Variants in PHTF1 observed in about 807,000 individuals in gnomAD.
PHTF1 encodes protein PHTF1.
Under a neutral mutation model 102.4 loss-of-function variants are expected in PHTF1, and 88 were observed. The ratio of observed to expected loss-of-function variants is 0.86; its 90% CI spans 0.72 to 1.03. PHTF1 has a LOEUF of 1.03. Ranked by LOEUF, PHTF1 falls within the 50% of genes least tolerant of loss-of-function variation. PHTF1 has a pLI of 0.00. For synonymous variants in PHTF1, 289 were observed against 305.2 expected (o/e 0.95, Z 0.55); for missense variants, 814 against 909.5 (o/e 0.89, Z 1.35).
chr1:113,710,810 A>AT (rs71590573), intron 10 of PHTF1, among the ~76,000 whole-genome samples: 1,724 of 122,658 alleles, frequency 0.014, 23 homozygotes, highest in Admixed American at 0.017. Flanking sequence ...ATATATATAT[A>AT]TTTTTTTTTT....
In PHTF1 at chr1:113,759,240, C is replaced by G. The variant is rs1407610935; in HGVS notation, c.-248G>C. 3.0e-5 allele frequency: 6 copies of G among 199,902 alleles called. No homozygotes were observed. The highest frequency in any genetic ancestry group is 4.5e-5 in the Non-Finnish European group (5 of 111,466). The allele number at this position is 199,902 out of a possible 1,614,324, so 12.4% of individuals were successfully genotyped here. On this transcript the variant is annotated 5_prime_UTR_variant, in exon 1 of 19. Transcript: ENST00000369604. ...GCCCTGAGGGCGGCAAATCGATCGC[C>G]GGTCAGAGGCCGCCTACAGGGTCAC...
rs747510007 is a variant in PHTF1, at chr1:113,697,673, C to CA, written c.*31dup. On this transcript the variant is annotated 3_prime_UTR_variant, in exon 19 of 19. Transcript: ENST00000369604. ...TTCCTTGATAGGTAAGTTTTGATAC[C>CA]AGCCAGGGGAGAGTCCAGGCATTTA... The CA allele has an allele frequency of 2.0e-6, 3 of 1,519,598 alleles. No homozygotes were observed. The highest frequency in any genetic ancestry group is 2.7e-6 in the Non-Finnish European group (3 of 1,106,456). The allele number at this position is 1,519,598 out of a possible 1,614,324, so 94.1% of individuals were successfully genotyped here.
chr1:113,744,785 T>C (rs1656954205), intron 3 of PHTF1, among the ~76,000 whole-genome samples: 1 of 152,028 alleles, frequency 6.6e-6, no homozygotes, highest in Admixed American at 6.5e-5. Flanking sequence ...TCTCTTATAC[T>C]AAAATGCCAA....
At chr1:113,739,564 A>C (rs1366801286) in intron 3 of PHTF1, among the ~76,000 whole-genome samples, 1 of 152,224 alleles carries the variant, frequency 6.6e-6, no homozygotes, top group African/African-American at 2.4e-5. Flanking sequence ...TTGAACATTT[A>C]TCATTTCTTT....
chr1:113,710,543 T>A, intron 10 of PHTF1, 68 bp from the exon 11 acceptor site: 2 of 1,176,188 alleles, frequency 1.7e-6, no homozygotes, highest in Non-Finnish European at 2.5e-6. Context: ...GAAATAAAAT[T>A]AAAACAACTT....
chr1:113,706,257 C>T (rs974841317), intron 12 of PHTF1, 95 bp from the exon 13 acceptor site: 14 of 1,047,776 alleles, frequency 1.3e-5, no homozygotes, highest in Non-Finnish European at 1.8e-5. Flanking sequence ...ATTAAAAACA[C>T]ATTCTAAAAG....
rs368367033 is a variant in PHTF1 at position 113,706,099 on chromosome 1, C to T, written c.1462G>A (p.Ala488Thr). 65 of 1,613,988 alleles carry T rather than the reference C, an allele frequency of 4.0e-5. No homozygotes were observed. In the African/African-American group the frequency reaches 6.8e-4, roughly 17 times the overall value. ...MLGNVVTIGL[A>T]FFPFLHRLFR... ...AGTCGATGTAAGAATGGAAAAAATGCTAATCCAATAGTGACAACATTTCCC... is the reference window on the plus strand; with the variant it reads ...AGTCGATGTAAGAATGGAAAAAATGTTAATCCAATAGTGACAACATTTCCC... The change falls in exon 13 of 19, where the codon GCA becomes ACA. Residue 488 changes from alanine (A) to threonine (T), a missense_variant. Coordinates refer to ENST00000369604, the MANE Select transcript of PHTF1 (RefSeq NM_001323043.2).
intron 7 of PHTF1, among the ~76,000 whole-genome samples, chr1:113,717,603 C>T (rs1652258681): frequency 1.3e-5 from 2 of 152,026 alleles, no homozygotes; most frequent in African/African-American, 2.4e-5. Context: ...TGAAAACATA[C>T]CCGAGATTGG....
chr1:113,741,498 G>A (rs2101623436), intron 3 of PHTF1, among the ~76,000 whole-genome samples: 1 of 152,284 alleles, frequency 6.6e-6, no homozygotes, highest in Admixed American at 6.5e-5. Context: ...TTGTCCCAGT[G>A]CTAAGCTTTC....
chr1:113,697,352 G>A lies in PHTF1; in HGVS notation c.*353C>T, dbSNP rs769107011. The A allele has an allele frequency of 5.3e-6, 1 of 187,710 alleles. No homozygotes were observed. The highest frequency in any genetic ancestry group is 1.1e-5 in the Non-Finnish European group (1 of 91,272). 11.6% of individuals were successfully genotyped at this position (187,710 alleles called of 1,614,324 possible). A position where few individuals can be genotyped will look rare whatever the true frequency, so the allele number is the denominator to read the frequency against. ...TTCCAATAAAAGATATTTGCTTCAT[G>A]CTTTGGGCATCTATCATAGTTGCCC... On this transcript the variant is annotated 3_prime_UTR_variant, in exon 19 of 19. Transcript: ENST00000369604.
chr1:113,704,204 C>T, intron 14 of PHTF1, 37 bp from the exon 15 acceptor site: 1 of 1,348,696 alleles, frequency 7.4e-7, no homozygotes, highest in Non-Finnish European at 1.1e-6. Flanking sequence ...GTTTTAGTTA[C>T]TGGCAGACAG....
At chr1:113,728,405 T>C (rs1654160561) in intron 5 of PHTF1, among the ~76,000 whole-genome samples, 1 of 152,162 alleles carries the variant, frequency 6.6e-6, no homozygotes, top group Non-Finnish European at 1.5e-5. Flanking sequence ...TGAGATATCA[T>C]CTCACTCCCG....
intron 3 of PHTF1, among the ~76,000 whole-genome samples, chr1:113,756,717 T>G (rs1221430742): frequency 1.3e-5 from 2 of 152,184 alleles, no homozygotes; most frequent in Non-Finnish European, 2.9e-5. Flanking sequence ...CTTTGGAATA[T>G]CAGAAGATAA....
At chr1:113,739,362 G>A (rs1035961790) in intron 3 of PHTF1, among the ~76,000 whole-genome samples, 3 of 152,068 alleles carry the variant, frequency 2.0e-5, no homozygotes, top group Non-Finnish European at 4.4e-5. Flanking sequence ...AGATCAATAC[G>A]TGAAAAACAA....
chr1:113,703,904 C>A (rs1649722165), intron 15 of PHTF1, 177 bp downstream of exon 15: 1 of 541,940 alleles, frequency 1.8e-6, no homozygotes, highest in East Asian at 2.9e-5. Flanking sequence ...GAAAGGACTT[C>A]AGAATTACTT....
chr1:113,740,731 A>G (rs1239402671), intron 3 of PHTF1, among the ~76,000 whole-genome samples: 1 of 152,100 alleles, frequency 6.6e-6, no homozygotes, highest in African/African-American at 2.4e-5. Flanking sequence ...TGATTTTTGT[A>G]TATGGTGAGA....
rs753703552 is a variant in PHTF1, at chr1:113,706,046, T to C, written c.1515A>G (p.Leu505=). 2 of 1,614,142 alleles carry C rather than the reference T, an allele frequency of 1.2e-6. No homozygotes were observed. The highest frequency in any genetic ancestry group is 8.5e-7 in the Non-Finnish European group (1 of 1,179,990). The change falls in exon 13 of 19, where the codon CTA becomes CTG. Residue 505 remains leucine, a synonymous_variant. Transcript: ENST00000369604. ...RLFREKSLDQ[L]KSISAEEILT... is the part of the protein sequence containing the mutation. ...AGATCTCCTCAGCTGAAATGGACTTTAGTTGGTCAAGGCTCTTCTCACGGA... is the reference window on the plus strand; with the variant it reads ...AGATCTCCTCAGCTGAAATGGACTTCAGTTGGTCAAGGCTCTTCTCACGGA...
At chr1:113,759,549 G>C (rs192418097), upstream of PHTF1, 6 of 152,426 alleles carry the variant, frequency 3.9e-5, no homozygotes, top group Admixed American at 3.9e-4. Context: ...CCGCTTTCCG[G>C]CTTTCGCCGC....
At chr1:113,714,127 C>G (rs1312809902) in intron 7 of PHTF1, 1 of 152,132 alleles carries the variant, frequency 6.6e-6, no homozygotes, top group Non-Finnish European at 1.5e-5. Context: ...CAGTGGTAGC[C>G]AGGCAGTACT....
Sources: allele counts gnomAD v4.1 joint callset (sites outside exome capture counted in the v4.1 genomes callset), GRCh38; gene constraint gnomAD v4.1.1; transcripts MANE v1.5; gene names NCBI Gene and HGNC (gene_info 2026-07-23, HGNC 2026-07-21).